DGLUCY: variants seen among roughly 807,000 people sequenced by gnomAD.
DGLUCY encodes the protein D-glutamate cyclase.
Under a neutral mutation model 58.5 loss-of-function variants are expected in DGLUCY, and 58 were observed. That is an observed-to-expected ratio of 0.99 (90% confidence interval 0.80 to 1.23). The LOEUF (loss-of-function observed/expected upper bound fraction) is 1.23, where lower values mean the gene tolerates loss of function less well. Ranked by LOEUF, DGLUCY falls within the 50% of genes most tolerant of loss-of-function variation. The pLI, the probability that DGLUCY is intolerant of heterozygous loss-of-function variation, is 0.00. For synonymous variants in DGLUCY, 325 were observed against 314.1 expected, an observed-to-expected ratio of 1.03 and a Z score of -0.37; for missense variants, 779 against 784.7, an observed-to-expected ratio of 0.99 and a Z score of 0.09.
intron 1 of DGLUCY, among the ~76,000 whole-genome samples, chr14:91,075,993 A>G (rs2140037457): frequency 6.6e-6 from 1 of 152,154 alleles, no homozygotes; most frequent in Middle Eastern, 3.4e-3. Context: ...GGTGCCTGTA[A>G]TCCCAGCTAC....
intron 8 of DGLUCY, among the ~76,000 whole-genome samples, chr14:91,185,155 G>A (rs1002171664): frequency 6.6e-6 from 1 of 151,798 alleles, no homozygotes; most frequent in Non-Finnish European, 1.5e-5. Flanking sequence ...TTTTAGTAGA[G>A]CTGGGGTTTC....
chr14:91,218,837 C>T (rs374181770), intron 13 of DGLUCY, among the ~76,000 whole-genome samples: 87 of 151,656 alleles, frequency 5.7e-4, no homozygotes, highest in Non-Finnish European at 9.6e-4. Flanking sequence ...ACTGGGGAGA[C>T]GACACATGAC....
At chr14:91,071,596 G>T (rs1049852475) in intron 1 of DGLUCY, among the ~76,000 whole-genome samples, 1 of 152,128 alleles carries the variant, frequency 6.6e-6, no homozygotes, top group South Asian at 2.1e-4. Flanking sequence ...TAGGCTAGGC[G>T]TGGTGGCTCA....
chr14:91,173,825 T>C (rs2048709184), intron 6 of DGLUCY: 1 of 156,320 alleles, frequency 6.4e-6, no homozygotes, highest in African/African-American at 2.4e-5. Context: ...TTTGGGTTTT[T>C]ACCGAGGCTT....
intron 12 of DGLUCY, among the ~76,000 whole-genome samples, chr14:91,213,137 A>G (rs1278549602): frequency 1.3e-5 from 2 of 152,040 alleles, no homozygotes; most frequent in Non-Finnish European, 1.5e-5. Context: ...CCCTGTCTTT[A>G]TTAAAAAATG....
At chr14:91,112,028 G>A (rs1480396475), upstream of DGLUCY, among the ~76,000 whole-genome samples, 2 of 151,678 alleles carry the variant, frequency 1.3e-5, no homozygotes, top group East Asian at 1.9e-4. Context: ...ACCTGAGGTC[G>A]GGAGTTCGAG....
chr14:91,143,026 T>A lies in DGLUCY; in HGVS notation c.-81-14613T>A, dbSNP rs1478539464. Among the ~76,000 whole-genome samples, 22 of 57,920 alleles carry A rather than the reference T, an allele frequency of 3.8e-4. No individual in the cohort carries two copies. The East Asian group carries it at 4.7e-3, about 12-fold the overall frequency. The allele number at this position is 57,920 out of a possible 152,430, so 38.0% of individuals were successfully genotyped here. A position where few individuals can be genotyped will look rare whatever the true frequency, so the allele number is the denominator to read the frequency against. Reference sequence around the variant, plus strand: ...GCCTGGGTGACACAGCGAGACTCCCTCTCAAAAAAAAAAAAAAAAAAAAGG... The same window carrying A: ...GCCTGGGTGACACAGCGAGACTCCCACTCAAAAAAAAAAAAAAAAAAAAGG... On this transcript the variant is annotated intron_variant, in intron 1 of 13. Coordinates refer to ENST00000256324, the MANE Select transcript of DGLUCY (RefSeq NM_001102368.3).
chr14:91,130,137 G>C (rs2045947722), intron 1 of DGLUCY, among the ~76,000 whole-genome samples: 1 of 152,112 alleles, frequency 6.6e-6, no homozygotes, highest in South Asian at 2.1e-4. Context: ...TTTCCCTAAA[G>C]TGGTTTATAA....
chr14:91,091,799 A>G (rs1461383697), intron 1 of DGLUCY, among the ~76,000 whole-genome samples: 2 of 152,090 alleles, frequency 1.3e-5, no homozygotes, highest in Non-Finnish European at 2.9e-5. Context: ...GTATCCGGGA[A>G]TGAACATACC....
chr14:91,179,227 G>C (rs192384419), intron 7 of DGLUCY, among the ~76,000 whole-genome samples: 2 of 152,260 alleles, frequency 1.3e-5, no homozygotes, highest in East Asian at 3.9e-4. Context: ...AGGCAGAAGA[G>C]GTAAATAGTA....
At chr14:91,189,504 G>A (rs1248859280) in intron 9 of DGLUCY, among the ~76,000 whole-genome samples, 1 of 152,214 alleles carries the variant, frequency 6.6e-6, no homozygotes, top group Non-Finnish European at 1.5e-5. Context: ...GACCACCAGA[G>A]CTGGGGAGAG....
chr14:91,188,232 C>G lies in DGLUCY; in HGVS notation c.935-678C>G, dbSNP rs367866155. Among the ~76,000 whole-genome samples, 17 of 152,258 alleles carry G rather than the reference C, an allele frequency of 1.1e-4. No homozygotes were observed. In the East Asian group the frequency reaches 2.7e-3, roughly 24 times the overall value. ...CCAGGAGGTTCTGGCTGTCAATACT[C>G]CAGCTGCCAGGAAAAGGGAACGAGC... On this transcript the variant is annotated intron_variant, in intron 8 of 13. Coordinates refer to ENST00000256324, the MANE Select transcript of DGLUCY (RefSeq NM_001102368.3).
At chr14:91,068,702 T>G (rs954949989) in intron 1 of DGLUCY, among the ~76,000 whole-genome samples, 1 of 152,028 alleles carries the variant, frequency 6.6e-6, no homozygotes, top group African/African-American at 2.4e-5. Context: ...ATAAAGATAT[T>G]TGGACTCCCT....
At chr14:91,087,112 A>T (rs1162796573) in intron 1 of DGLUCY, among the ~76,000 whole-genome samples, 1 of 152,172 alleles carries the variant, frequency 6.6e-6, no homozygotes, top group Non-Finnish European at 1.5e-5. Flanking sequence ...CACAAGATTG[A>T]TGTCAGCTGG....
chr14:91,155,273 G>A (rs182646614), intron 1 of DGLUCY, among the ~76,000 whole-genome samples: 324 of 152,252 alleles, frequency 2.1e-3, no homozygotes, highest in Non-Finnish European at 3.5e-3. Context: ...TTGGCACGGG[G>A]CCCAGAGTAA....
chr14:91,183,776 G>C (rs986657490), intron 8 of DGLUCY, among the ~76,000 whole-genome samples: 1 of 152,172 alleles, frequency 6.6e-6, no homozygotes, highest in Non-Finnish European at 1.5e-5. Flanking sequence ...ACCCATGTCT[G>C]CTGACTTCAA....
intron 1 of DGLUCY, among the ~76,000 whole-genome samples, chr14:91,081,023 G>A (rs1392186021): frequency 2.6e-5 from 4 of 152,134 alleles, no homozygotes; most frequent in Admixed American, 1.3e-4. Context: ...CCAACGTGAC[G>A]AAACCCTGTC....
intron 12 of DGLUCY, among the ~76,000 whole-genome samples, chr14:91,206,580 G>A (rs1015917036): frequency 2.0e-5 from 3 of 151,522 alleles, no homozygotes; most frequent in Non-Finnish European, 2.9e-5. Flanking sequence ...ACGGGGTTTC[G>A]CCATGTTGAC....
intron 1 of DGLUCY, among the ~76,000 whole-genome samples, chr14:91,108,526 T>TGTGAGAGAGAGAGAGAGAGAGAGAGAGA: frequency 1.9e-5 from 1 of 52,120 alleles, no homozygotes; most frequent in Non-Finnish European, 3.8e-5. Flanking sequence ...TGTGTGTGTG[T>TGTGAGAGAGAGAGAGAGAGAGAGAGAGA]GAGAGAGAGA....
Sources: allele counts gnomAD v4.1 joint callset (sites outside exome capture counted in the v4.1 genomes callset), GRCh38; gene constraint gnomAD v4.1.1; transcripts MANE v1.5; gene names NCBI Gene and HGNC (gene_info 2026-07-23, HGNC 2026-07-21).